The following CSMD1 variants were observed in gnomAD, a reference collection of about 807,000 sequenced individuals.
CSMD1 encodes the protein CUB and Sushi multiple domains 1.
A neutral mutation model predicts 417.5 loss-of-function variants in CSMD1; 213 were observed. That is an observed-to-expected ratio of 0.51 (90% CI 0.46 to 0.57). The LOEUF (loss-of-function observed/expected upper bound fraction) is 0.57, where lower values mean the gene tolerates loss of function less well. Among genes scored for constraint, CSMD1 ranks in the 20% least tolerant of loss-of-function variants. The pLI, the probability that CSMD1 is intolerant of heterozygous loss-of-function variation, is 0.00. For missense variants in CSMD1, 6,923 were observed against 4,529.7 expected (o/e 1.53, Z -15.17); for synonymous variants, 2,862 against 1,736.8 (o/e 1.65, Z -16.11).
At chr8:4,427,028 C>G (rs138508399) in intron 2 of CSMD1, among the ~76,000 whole-genome samples, 1 of 151,972 alleles carries the variant, frequency 6.6e-6, no homozygotes, top group Non-Finnish European at 1.5e-5. Flanking sequence ...CATGTCCCCA[C>G]GAGAACTGGT....
chr8:4,644,795 C>T (rs1803416610), intron 1 of CSMD1, among the ~76,000 whole-genome samples: 1 of 152,248 alleles, frequency 6.6e-6, no homozygotes, highest in South Asian at 2.1e-4. Flanking sequence ...TCTTTCTACA[C>T]TAAAATGTAA....
chr8:4,591,657 T>A (rs560560332), intron 2 of CSMD1, among the ~76,000 whole-genome samples: 77 of 152,276 alleles, frequency 5.1e-4, no homozygotes, highest in African/African-American at 1.8e-3. Context: ...CATAAGTATG[T>A]AGGTCAGTGT....
chr8:4,061,958 C>G (rs186261287), intron 3 of CSMD1, among the ~76,000 whole-genome samples: 9 of 152,240 alleles, frequency 5.9e-5, no homozygotes, highest in African/African-American at 2.2e-4. Flanking sequence ...TCAGCATTAT[C>G]TTAGTCAGGG....
intron 1 of CSMD1, among the ~76,000 whole-genome samples, chr8:4,724,974 C>G (rs374681882): frequency 6.6e-6 from 1 of 151,918 alleles, no homozygotes; most frequent in Non-Finnish European, 1.5e-5. Context: ...AAAACATAAG[C>G]CCATAACATT....
chr8:4,402,196 T>C (rs534113978), intron 3 of CSMD1, among the ~76,000 whole-genome samples: 26 of 152,206 alleles, frequency 1.7e-4, no homozygotes, highest in African/African-American at 5.5e-4. Flanking sequence ...AATTGCGACT[T>C]TCTGACATCC....
intron 7 of CSMD1, among the ~76,000 whole-genome samples, chr8:3,643,791 T>C (rs1040317048): frequency 6.7e-6 from 1 of 149,336 alleles, no homozygotes; most frequent in Non-Finnish European, 1.5e-5. Flanking sequence ...CCACCAGTAA[T>C]ACAGAGAAGG....
At position 3,110,348 on chromosome 8, in the gene CSMD1, C is replaced by T. The variant is rs1291195337; in HGVS notation, c.6431-13G>A. 3.2e-6 allele frequency: 5 copies of T among 1,582,672 alleles called. No individual in the cohort carries two copies. The South Asian group carries it at 3.5e-5, about 11-fold the overall frequency. ...TACCCACAAGGGGCTGCAAAGGAAA[C>T]CAAGAAAAAACAAGCGCCATACAGC... On this transcript the variant is annotated splice_polypyrimidine_tract_variant and intron_variant, in intron 42 of 69. Coordinates refer to ENST00000635120, the MANE Select transcript of CSMD1 (RefSeq NM_033225.6).
intron 7 of CSMD1, among the ~76,000 whole-genome samples, chr8:3,659,598 C>G (rs1352403163): frequency 6.6e-6 from 1 of 152,020 alleles, no homozygotes; most frequent in Non-Finnish European, 1.5e-5. Context: ...GTGAATTGGT[C>G]CCTTTGGGAT....
intron 1 of CSMD1, among the ~76,000 whole-genome samples, chr8:4,877,710 A>G (rs929236832): frequency 2.0e-5 from 3 of 152,020 alleles, no homozygotes; most frequent in Non-Finnish European, 4.4e-5. Context: ...TTTCCATATT[A>G]TCTTTAAAGA....
rs1440352435 is a variant in CSMD1, at chr8:3,367,154, C to A, written c.2993G>T (p.Arg998Met). 1 of 1,613,718 alleles carries A rather than the reference C, an allele frequency of 6.2e-7. No homozygotes were observed. Among genetic ancestry groups the A allele is most frequent in the South Asian group, 1.1e-5 (1 of 91,012 alleles). ...ATGAGGCAACACCGACCCGGTGAGC[C>A]TGGCAACGGGCTCGGAAAAACTTCC... ...EDGSFSEPVA[R>M]LTGSVLPHTI... The change falls in exon 20 of 70, where the codon AGG becomes ATG. Residue 998 changes from arginine to methionine, a missense_variant. By Grantham distance (91) the Arg-to-Met change is moderately conservative. Transcript: ENST00000635120.
intron 1 of CSMD1, among the ~76,000 whole-genome samples, chr8:4,881,411 A>AT (rs1554509736): frequency 1.5e-4 from 20 of 134,884 alleles, no homozygotes; most frequent in East Asian, 2.3e-4. Flanking sequence ...CCTAGTATAC[A>AT]TATCTATCTA....
chr8:3,254,243 A>C (rs1167526632), intron 26 of CSMD1, among the ~76,000 whole-genome samples: 2 of 152,194 alleles, frequency 1.3e-5, no homozygotes, highest in Non-Finnish European at 1.5e-5. Context: ...TCGAGAGATC[A>C]GCTGTTAGTC....
intron 62 of CSMD1, 79 bp from the exon 63 acceptor site, chr8:2,957,886 G>T: frequency 1.0e-6 from 1 of 969,554 alleles, no homozygotes; most frequent in Non-Finnish European, 1.6e-6. Flanking sequence ...GAAAGTACAC[G>T]CCCGAGTAAA....
chr8:3,069,030 C>T (rs368297933), intron 49 of CSMD1, among the ~76,000 whole-genome samples: 4 of 152,028 alleles, frequency 2.6e-5, no homozygotes, highest in African/African-American at 9.7e-5. Flanking sequence ...AAGGCAAATC[C>T]CTTCCATTTA....
intron 5 of CSMD1, among the ~76,000 whole-genome samples, chr8:3,902,273 A>C (rs530271418): frequency 5.3e-5 from 8 of 152,158 alleles, no homozygotes; most frequent in Non-Finnish European, 1.2e-4. Context: ...TGATTAAGTC[A>C]TGCCCTCACC....
At chr8:3,729,938 AAAAAAAAAAAAAAAAAAAAAAAAC>A (rs1382252095) in intron 6 of CSMD1, among the ~76,000 whole-genome samples, 1,273 of 30,288 alleles carry the variant, frequency 0.042, 120 homozygotes, top group Admixed American at 0.065. Context: ...AAAAAAAAAA[AAAAAAAAAAAAAAAAAAAAAAAAC>A]AAAAACAGAA....
At chr8:4,531,347 A>G (rs1233213538) in intron 2 of CSMD1, among the ~76,000 whole-genome samples, 1 of 152,204 alleles carries the variant, frequency 6.6e-6, no homozygotes, top group African/African-American at 2.4e-5. Flanking sequence ...CTTCAAGAAC[A>G]GAGTCTATAA....
chr8:4,049,819 T>C (rs1166379626), intron 3 of CSMD1, among the ~76,000 whole-genome samples: 1 of 151,354 alleles, frequency 6.6e-6, no homozygotes, highest in Non-Finnish European at 1.5e-5. Flanking sequence ...TGGACATTTC[T>C]TACAATCAGT....
At chr8:4,472,831 C>T (rs532167512) in intron 2 of CSMD1, among the ~76,000 whole-genome samples, 2 of 151,738 alleles carry the variant, frequency 1.3e-5, no homozygotes, top group Admixed American at 6.6e-5. Context: ...GTATATATAC[C>T]CTTTCTGTAA....
Sources: allele counts gnomAD v4.1 joint callset (sites outside exome capture counted in the v4.1 genomes callset), GRCh38; gene constraint gnomAD v4.1.1; transcripts MANE v1.5; gene names NCBI Gene and HGNC (gene_info 2026-07-23, HGNC 2026-07-21).